Variants in LTBP3 observed in about 807,000 individuals in gnomAD.
The protein encoded by LTBP3 is latent transforming growth factor beta binding protein 3, also known as latent-transforming growth factor beta-binding protein 3.
A neutral mutation model predicts 159.7 loss-of-function variants in LTBP3; 97 were observed. The ratio of observed to expected loss-of-function variants is 0.61; its 90% CI spans 0.52 to 0.72. The LOEUF is 0.72. Ranked by LOEUF, LTBP3 falls within the 30% of genes least tolerant of loss-of-function variation. The pLI, the probability that LTBP3 is intolerant of heterozygous loss-of-function variation, is 0.00. For synonymous variants in LTBP3, 824 were observed against 777.1 expected (o/e 1.06, Z -1.00); for missense variants, 1,584 against 1,864.3 (o/e 0.85, Z 2.77).
chr11:65,540,739 C>CGGGGCCTACAGGAG (rs1856090391), intron 21 of LTBP3, 125 bp from the exon 22 acceptor site: 73 of 896,984 alleles, frequency 8.1e-5, no homozygotes, highest in Middle Eastern at 6.5e-4. Context: ...GCCTACAGGG[C>CGGGGCCTACAGGAG]GGGGCCTGCG....
intron 1 of LTBP3, among the ~76,000 whole-genome samples, chr11:65,555,591 G>A (rs1271131689): frequency 6.6e-6 from 1 of 152,186 alleles, no homozygotes; most frequent in Non-Finnish European, 1.5e-5. Flanking sequence ...CTTATAGAGG[G>A]TGCTCTGGAA....
Position 65,553,674 on chromosome 11 carries a change from G to T in LTBP3, c.864+27C>A. 1 of 1,559,190 alleles carries T rather than the reference G, an allele frequency of 6.4e-7. No individual in the cohort carries two copies. The highest frequency in any genetic ancestry group is 8.6e-7 in the Non-Finnish European group (1 of 1,158,486). ...CAGAGCAACCCTGAGAGAAGGAAAGGCAGATCCCGACTGTGGATTCACTCA... is the reference window on the plus strand; with the variant it reads ...CAGAGCAACCCTGAGAGAAGGAAAGTCAGATCCCGACTGTGGATTCACTCA... On this transcript the variant is annotated intron_variant, in intron 3 of 27. Transcript: ENST00000301873. The surrounding 1 kb of genome is among the most constrained non-coding windows in gnomAD (Gnocchi z 6.5).
chr11:65,541,848 AG>A, intron 18 of LTBP3, 120 bp from the exon 19 acceptor site: 1 of 1,170,928 alleles, frequency 8.5e-7, no homozygotes, highest in Non-Finnish European at 1.2e-6. Context: ...TATGTACAGC[AG>A]GAAGTCTGCT....
chr11:65,551,013 T>C (rs1404316699), intron 11 of LTBP3, 113 bp downstream of exon 11: 1 of 904,008 alleles, frequency 1.1e-6, no homozygotes, highest in Non-Finnish European at 1.7e-6. Flanking sequence ...TGCCCAGCCC[T>C]GGATACACGC....
At position 65,551,709 on chromosome 11, in the gene LTBP3, G is replaced by A. The variant is rs1007231595; in HGVS notation, c.1532-145C>T. Reference sequence around the variant, plus strand: ...GTCAAGGGTCAGGGGTTAGATTCTGGGGTTAGGGTGTGTTTGCATAGTAGT... The same window carrying A: ...GTCAAGGGTCAGGGGTTAGATTCTGAGGTTAGGGTGTGTTTGCATAGTAGT... On this transcript the variant is annotated intron_variant, in intron 8 of 27. Coordinates refer to ENST00000301873, the MANE Select transcript of LTBP3 (RefSeq NM_001130144.3). 3.9e-5 allele frequency: 43 copies of A among 1,096,802 alleles called. No individual in the cohort carries two copies. The African/African-American group carries it at 6.0e-4, about 15-fold the overall frequency. 67.9% of individuals were successfully genotyped at this position (1,096,802 alleles called of 1,614,324 possible).
chr11:65,557,200 GC>G (rs1355921366), intron 1 of LTBP3, among the ~76,000 whole-genome samples: 1 of 152,076 alleles, frequency 6.6e-6, no homozygotes, highest in African/African-American at 2.4e-5. Flanking sequence ...ACTCTGGCAG[GC>G]CCTACTTTAG....
chr11:65,538,913 C>T lies in LTBP3; in HGVS notation c.*167G>A, dbSNP rs1394567082. The T allele has an allele frequency of 2.1e-5, 27 of 1,262,230 alleles. No individual in the cohort carries two copies. Among genetic ancestry groups the T allele is most frequent in the African/African-American group, 3.2e-5 (2 of 63,268 alleles). 78.2% of individuals were successfully genotyped at this position (1,262,230 alleles called of 1,614,324 possible). On this transcript the variant is annotated 3_prime_UTR_variant, in exon 28 of 28. Coordinates refer to ENST00000301873, the MANE Select transcript of LTBP3 (RefSeq NM_001130144.3). ...GGAGACCTTACAACCGCCCGCTAACCGGGGAGGGGGGCCGGTAGGGGCGCC... is the reference window on the plus strand; with the variant it reads ...GGAGACCTTACAACCGCCCGCTAACTGGGGAGGGGGGCCGGTAGGGGCGCC...
Position 65,541,732 on chromosome 11 carries a change from CGGGGCAAGAGTAGCGCAGCTG to C in LTBP3, c.2597-25_2597-5del. 1 of 1,613,882 alleles carries C rather than the reference CGGGGCAAGAGTAGCGCAGCTG, an allele frequency of 6.2e-7. No homozygotes were observed. ...TCCTGGCTGCACTCATCTATGTCTGCGGGGCAAGAGTAGCGCAGCTGGAAACCCAGCCCCTCTTTCCCTGGG... is the reference window on the plus strand; with the variant it reads ...TCCTGGCTGCACTCATCTATGTCTGCGAAACCCAGCCCCTCTTTCCCTGGG... On this transcript the variant is annotated splice_polypyrimidine_tract_variant and splice_region_variant and intron_variant, in intron 18 of 27. Transcript: ENST00000301873.
chr11:65,543,947 C>A, intron 16 of LTBP3: 1 of 321,770 alleles, frequency 3.1e-6, no homozygotes, highest in Non-Finnish European at 6.1e-6. Context: ...TTTCCTGAGG[C>A]CTCTCTGATG....
intron 10 of LTBP3, 65 bp downstream of exon 10, chr11:65,551,337 T>C (rs1201944615): frequency 6.3e-7 from 1 of 1,582,926 alleles, no homozygotes; most frequent in Non-Finnish European, 8.6e-7. Flanking sequence ...GTACTTAAAC[T>C]GTGAACTCCC....
Position 65,538,614 on chromosome 11 carries a change from G to GTAT in LTBP3, c.*463_*465dup. 1 of 1,584,746 alleles carries GTAT rather than the reference G, an allele frequency of 6.3e-7. No homozygotes were observed. On this transcript the variant is annotated 3_prime_UTR_variant, in exon 28 of 28. Transcript: ENST00000301873. ...GCTGCGGAGAGCCCGCCCCACAGAT[G>GTAT]TATTTATTGTACAAACCATGTGAGC...
chr11:65,557,498 T>A (rs1856849735), intron 1 of LTBP3, 131 bp downstream of exon 1: 1 of 1,268,388 alleles, frequency 7.9e-7, no homozygotes, highest in African/African-American at 1.5e-5. Flanking sequence ...AGGCCCCTGG[T>A]CCCCCAGGCC....
Position 65,550,992 on chromosome 11 carries a change from G to C in LTBP3, c.1720+134C>G. The C allele has an allele frequency of 5.3e-6, 4 of 761,586 alleles. No individual in the cohort carries two copies. In the South Asian group the frequency reaches 6.0e-5, roughly 11 times the overall value. The allele number at this position is 761,586 out of a possible 1,614,324, so 47.2% of individuals were successfully genotyped here. On this transcript the variant is annotated intron_variant, in intron 11 of 27. Transcript: ENST00000301873. ...GCAGTGGGATCTCTGGTGCTCACCA[G>C]GCTTCCCCAGTGCCCAGCCCTGGAT... is the stretch of plus-strand genomic sequence containing the variant.
chr11:65,545,826 G>A (rs146933529), intron 16 of LTBP3: 140 of 189,150 alleles, frequency 7.4e-4, no homozygotes, highest in African/African-American at 3.2e-3. Flanking sequence ...CCCTCCAAGG[G>A]ATGGGGACCT....
Position 65,554,309 on chromosome 11 carries a change from A to AG in LTBP3, c.402dup (p.Phe135LeufsTer59). The AG allele has an allele frequency of 6.2e-7, 1 of 1,612,152 alleles. No homozygotes were observed. The highest frequency in any genetic ancestry group is 8.5e-7 in the Non-Finnish European group (1 of 1,179,722). The stretch of plus-strand genomic sequence containing the variant: ...GGCACCTGGCAGAAGCGCCCAGTGA[A>AG]GTCCGGGGGACACAGGCACTGGTTT... On this transcript the variant is annotated frameshift_variant, in exon 2 of 28. Transcript: ENST00000301873. LOFTEE classifies it high-confidence loss of function. The surrounding 1 kb of genome is among the most constrained non-coding windows in gnomAD (Gnocchi z 5.3).
At position 65,551,162 on chromosome 11, in the gene LTBP3, G is replaced by C. The variant is rs1166487438; in HGVS notation, c.1684C>G (p.Arg562Gly). The change falls in exon 11 of 28, where the codon CGC (arginine) becomes GGC (glycine). Residue 562 changes from arginine to glycine, a missense_variant. By Grantham distance (125) the Arg-to-Gly change is moderately radical. This residue lies in a region of LTBP3 where 565 missense variants were observed against 677.7 expected (regional missense o/e 0.83). Transcript: ENST00000301873. Reference sequence around the variant, plus strand: ...GTGGGAGCGATCTCTACGGCGCTGCGGGAAGGAGGCAAGTCCGGCAGGAAC... The same window carrying C: ...GTGGGAGCGATCTCTACGGCGCTGCCGGAAGGAGGCAAGTCCGGCAGGAAC... ...RWFLPDLPPS[R>G]SAVEIAPTQV... 19 of 1,553,804 alleles carry C rather than the reference G, an allele frequency of 1.2e-5. No homozygotes were observed. Among genetic ancestry groups the C allele is most frequent in the African/African-American group, 2.7e-5 (2 of 73,170 alleles).
At position 65,552,529 on chromosome 11, in the gene LTBP3, AC is replaced by A; in HGVS notation, c.1187-124del. The A allele has an allele frequency of 8.3e-7, 1 of 1,198,118 alleles. No individual in the cohort carries two copies. Among genetic ancestry groups the A allele is most frequent in the Non-Finnish European group, 1.2e-6 (1 of 845,638 alleles). The allele number at this position is 1,198,118 out of a possible 1,614,324, so 74.2% of individuals were successfully genotyped here. A position where few individuals can be genotyped will look rare whatever the true frequency, so the allele number is the denominator to read the frequency against. ...CCCTTGATCCCCCATGTGGTCTCTG[AC>A]CCCATATGACCCTGAACTCATGTGA... is the stretch of plus-strand genomic sequence containing the variant. On this transcript the variant is annotated intron_variant, in intron 6 of 27. Coordinates refer to ENST00000301873, the MANE Select transcript of LTBP3 (RefSeq NM_001130144.3). The surrounding 1 kb of genome is among the most constrained non-coding windows in gnomAD (Gnocchi z 6.0).
rs1395467507 is a variant in LTBP3, at chr11:65,554,338, G to A, written c.374C>T (p.Ser125Leu). The change falls in exon 2 of 28, where the codon TCG becomes TTG. Residue 125 changes from serine (S) to leucine (L), a missense_variant. Around this residue, in one of 6 missense-constraint regions of LTBP3, gnomAD observed 76 missense variants for 133.3 expected, o/e 0.57. Transcript: ENST00000301873. The surrounding 1 kb of genome is among the most constrained non-coding windows in gnomAD (Gnocchi z 5.3). ...CGGGGGACACAGGCACTGGTTTCGC[G>A]AGGAGCACTGGCCGCCATTCATGCA... ...LPCMNGGQCS[S>L]RNQCLCPPDF... 3 of 1,612,212 alleles carry A rather than the reference G, an allele frequency of 1.9e-6. No individual in the cohort carries two copies. Among genetic ancestry groups the A allele is most frequent in the South Asian group, 2.2e-5 (2 of 91,038 alleles).
rs775761148 is a variant in LTBP3 at position 65,554,313 on chromosome 11, C to T, written c.399G>A (p.Pro133=). The change falls in exon 2 of 28, where the codon CCG becomes CCA. Residue 133 remains proline, a synonymous_variant. Coordinates refer to ENST00000301873, the MANE Select transcript of LTBP3 (RefSeq NM_001130144.3). The surrounding 1 kb of genome is among the most constrained non-coding windows in gnomAD (Gnocchi z 5.3). Reference sequence around the variant, plus strand: ...CCTGGCAGAAGCGCCCAGTGAAGTCCGGGGGACACAGGCACTGGTTTCGCG... The same window carrying T: ...CCTGGCAGAAGCGCCCAGTGAAGTCTGGGGGACACAGGCACTGGTTTCGCG... ...CSSRNQCLCP[P]DFTGRFCQVP... is the part of the protein sequence containing the mutation. 6.8e-6 allele frequency: 11 copies of T among 1,612,096 alleles called. No homozygotes were observed. The highest frequency in any genetic ancestry group is 1.3e-5 in the African/African-American group (1 of 74,946).
Sources: allele counts gnomAD v4.1 joint callset (sites outside exome capture counted in the v4.1 genomes callset), GRCh38; gene constraint gnomAD v4.1.1; regional missense constraint gnomAD v4.1.1; non-coding constraint Gnocchi (gnomAD v3.1); transcripts MANE v1.5; gene names NCBI Gene and HGNC (gene_info 2026-07-23, HGNC 2026-07-21).